The following DCK variants were observed in gnomAD, a reference collection of about 807,000 sequenced individuals.
DCK encodes deoxyadenosine kinase.
A neutral mutation model predicts 38.3 loss-of-function variants in DCK; 23 were observed. The observed-to-expected ratio is 0.60, with a 90% CI of 0.43 to 0.85. The LOEUF (loss-of-function observed/expected upper bound fraction) is 0.85. Ranked by LOEUF, DCK falls within the 40% of genes least tolerant of loss-of-function variation. The pLI, the probability that DCK is intolerant of heterozygous loss-of-function variation, is 0.00. For missense variants in DCK, 259 were observed against 304.4 expected (o/e 0.85, Z 1.11); for synonymous variants, 108 against 100.6 (o/e 1.07, Z -0.44).
intron 2 of DCK, among the ~76,000 whole-genome samples, chr4:71,014,794 A>C (rs1053818963): frequency 1.4e-4 from 22 of 152,224 alleles, no homozygotes; most frequent in Non-Finnish European, 3.1e-4. Context: ...AATTTATAGC[A>C]CTAAATGCCC....
intron 2 of DCK, among the ~76,000 whole-genome samples, chr4:70,999,083 G>A (rs1338213300): frequency 2.0e-5 from 3 of 151,912 alleles, no homozygotes; most frequent in African/African-American, 7.3e-5. Context: ...GGTTTGTTAT[G>A]TAGATATACA....
At chr4:71,003,585 A>G (rs1739865348) in intron 2 of DCK, among the ~76,000 whole-genome samples, 1 of 152,188 alleles carries the variant, frequency 6.6e-6, no homozygotes, top group Non-Finnish European at 1.5e-5. Flanking sequence ...AGTTTCAGGT[A>G]TACCAGTCAA....
At chr4:70,998,534 C>T (rs768479517) in intron 2 of DCK, among the ~76,000 whole-genome samples, 4 of 152,054 alleles carry the variant, frequency 2.6e-5, no homozygotes, top group African/African-American at 4.8e-5. Context: ...GATACTACAC[C>T]ATTTTACATA....
At chr4:71,003,081 G>A (rs1461426230) in intron 2 of DCK, among the ~76,000 whole-genome samples, 1 of 152,086 alleles carries the variant, frequency 6.6e-6, no homozygotes, top group African/African-American at 2.4e-5. Flanking sequence ...GTATGTTTTT[G>A]CAGTGGCTGG....
At chr4:71,011,506 A>G (rs4235090) in intron 2 of DCK, among the ~76,000 whole-genome samples, 124,332 of 152,062 alleles carry the variant, frequency 0.82, 54,917 homozygotes, top group Non-Finnish European at 0.97. Context: ...ACAGGCCCAC[A>G]CCAACATGCC....
intron 2 of DCK, among the ~76,000 whole-genome samples, chr4:71,005,847 C>T (rs564794799): frequency 4.6e-5 from 7 of 151,514 alleles, no homozygotes; most frequent in South Asian, 2.1e-4. Context: ...CAAATAAGGC[C>T]GGGTGCGGTG....
intron 1 of DCK, among the ~76,000 whole-genome samples, chr4:70,994,538 C>G (rs1739616018): frequency 6.6e-6 from 1 of 152,196 alleles, no homozygotes; most frequent in African/African-American, 2.4e-5. Flanking sequence ...GAAATTCATT[C>G]ATGTTACTTG....
In DCK at chr4:71,006,262, G is replaced by T. The variant is rs115701049; in HGVS notation, c.207+8080G>T. 5.0e-3 allele frequency: 3,670 copies of T among 734,328 alleles called. 118 individuals are homozygous for T. In the African/African-American group the frequency reaches 0.065, roughly 13 times the overall value. The allele number at this position is 734,328 out of a possible 1,614,324, so 45.5% of individuals were successfully genotyped here. A position where few individuals can be genotyped will look rare whatever the true frequency, so the allele number is the denominator to read the frequency against. On this transcript the variant is annotated intron_variant, in intron 2 of 6. Coordinates refer to ENST00000286648, the MANE Select transcript of DCK (RefSeq NM_000788.3). ...TTCATTCTTGCCAGACTTTCACTCT[G>T]GGCAGAAGTTGTAATTTTGCAGCAT...
At chr4:70,999,772 G>A (rs1228120853) in intron 2 of DCK, among the ~76,000 whole-genome samples, 1 of 152,162 alleles carries the variant, frequency 6.6e-6, no homozygotes, top group Non-Finnish European at 1.5e-5. Flanking sequence ...CTAATGACTG[G>A]TGATGATGAG....
At chr4:70,998,898 G>A (rs1739721894) in intron 2 of DCK, among the ~76,000 whole-genome samples, 1 of 151,550 alleles carries the variant, frequency 6.6e-6, no homozygotes, top group South Asian at 2.1e-4. Flanking sequence ...GCTCCAGCCT[G>A]GGTGACAGAA....
chr4:70,995,944 G>T (rs1739651003), intron 1 of DCK, among the ~76,000 whole-genome samples: 1 of 151,218 alleles, frequency 6.6e-6, no homozygotes, highest in Admixed American at 6.6e-5. Flanking sequence ...AGTGGCTCAA[G>T]CTTGTAATCC....
intron 2 of DCK, among the ~76,000 whole-genome samples, chr4:71,014,145 A>G (rs1740186254): frequency 6.6e-6 from 1 of 152,234 alleles, no homozygotes; most frequent in Non-Finnish European, 1.5e-5. Context: ...CAGTCTTTAA[A>G]CCAACAAAGA....
rs142559004 is a variant in DCK, at chr4:71,008,893, A to G, written c.207+10711A>G. 2.2e-3 allele frequency among the ~76,000 whole-genome samples: 335 copies of G among 152,350 alleles called. 2 individuals are homozygous for G. The highest frequency in any genetic ancestry group is 7.7e-3 in the African/African-American group (320 of 41,580). On this transcript the variant is annotated intron_variant, in intron 2 of 6. Coordinates refer to ENST00000286648, the MANE Select transcript of DCK (RefSeq NM_000788.3). ...TTCTCAACCAGTGGAAGGAAGTCAT[A>G]AGAATGTCTGAGAGCTAAACAGTTT...
At chr4:71,028,367 A>C (rs1172898409) in intron 6 of DCK, among the ~76,000 whole-genome samples, 2 of 152,138 alleles carry the variant, frequency 1.3e-5, no homozygotes, top group Non-Finnish European at 2.9e-5. Flanking sequence ...TGAGGTGGGA[A>C]GACTGCTTGA....
At chr4:71,017,602 A>T (rs1740303471) in intron 2 of DCK, among the ~76,000 whole-genome samples, 1 of 152,118 alleles carries the variant, frequency 6.6e-6, no homozygotes, top group African/African-American at 2.4e-5. Context: ...TGCAGCCATA[A>T]AAAAGGATGA....
At chr4:70,994,895 C>T (rs143471586) in intron 1 of DCK, among the ~76,000 whole-genome samples, 2 of 152,282 alleles carry the variant, frequency 1.3e-5, no homozygotes, top group East Asian at 3.9e-4. Flanking sequence ...TCCGATTCTT[C>T]TGTATCTCCA....
intron 2 of DCK, among the ~76,000 whole-genome samples, chr4:71,020,671 A>C (rs1284933568): frequency 6.6e-6 from 1 of 152,084 alleles, no homozygotes; most frequent in African/African-American, 2.4e-5. Context: ...TTTGTGCCTT[A>C]GGAGCCTCAA....
chr4:71,014,876 T>C (rs1297521187), intron 2 of DCK, among the ~76,000 whole-genome samples: 2 of 150,798 alleles, frequency 1.3e-5, no homozygotes, highest in Admixed American at 6.6e-5. Flanking sequence ...GAAGCAAGAG[T>C]AAACACATTC....
chr4:71,017,240 A>T (rs1219918063), intron 2 of DCK, among the ~76,000 whole-genome samples: 1 of 152,246 alleles, frequency 6.6e-6, no homozygotes, highest in African/African-American at 2.4e-5. Flanking sequence ...ATACCCTCTC[A>T]CACCAGTTAG....
Sources: allele counts gnomAD v4.1 joint callset (sites outside exome capture counted in the v4.1 genomes callset), GRCh38; gene constraint gnomAD v4.1.1; transcripts MANE v1.5; gene names NCBI Gene and HGNC (gene_info 2026-07-23, HGNC 2026-07-21).